The following TMEM233 variants were observed in gnomAD, a reference collection of about 807,000 sequenced individuals.
The protein encoded by TMEM233 is transmembrane protein 233.
Under a neutral mutation model 11.2 loss-of-function variants are expected in TMEM233, and 6 were observed. The observed-to-expected ratio is 0.54, with a 90% CI of 0.29 to 1.06. The LOEUF (loss-of-function observed/expected upper bound fraction) is 1.06. TMEM233 is among the 50% of genes least tolerant of loss of function. The pLI is 0.08. For missense variants in TMEM233, 127 were observed against 144.7 expected, an observed-to-expected ratio of 0.88 and a Z score of 0.63; for synonymous variants, 59 against 55.8, an observed-to-expected ratio of 1.06 and a Z score of -0.26.
intron 1 of TMEM233, among the ~76,000 whole-genome samples, chr12:119,627,884 C>T (rs1277193341): frequency 6.6e-6 from 1 of 152,240 alleles, no homozygotes; most frequent in African/African-American, 2.4e-5. Context: ...GAAGCTACCA[C>T]CCCTTTCCAG....
chr12:119,598,247 A>T (rs970473589), intron 1 of TMEM233, among the ~76,000 whole-genome samples: 1 of 152,174 alleles, frequency 6.6e-6, no homozygotes, highest in African/African-American at 2.4e-5. Flanking sequence ...GGCAAGTTGC[A>T]AGAGTGTTGG....
intron 1 of TMEM233, among the ~76,000 whole-genome samples, chr12:119,610,922 T>G (rs1954385379): frequency 6.6e-6 from 1 of 152,162 alleles, no homozygotes; most frequent in African/African-American, 2.4e-5. Flanking sequence ...ATAAATGAAA[T>G]CATACAATAT....
chr12:119,612,789 G>A (rs1272655291), intron 1 of TMEM233, among the ~76,000 whole-genome samples: 2 of 151,320 alleles, frequency 1.3e-5, no homozygotes, highest in Non-Finnish European at 2.9e-5. Context: ...GCGTGGTGGT[G>A]TGCGCCTGTA....
At chr12:119,626,576 GAA>G (rs1371625469) in intron 1 of TMEM233, among the ~76,000 whole-genome samples, 8 of 144,202 alleles carry the variant, frequency 5.5e-5, no homozygotes, top group Non-Finnish European at 1.1e-4. Context: ...GAAGAGAAGA[GAA>G]GAGAAGAGAA....
In TMEM233 at chr12:119,610,126, A is replaced by C. The variant is rs114828685; in HGVS notation, c.186+16092A>C. Among the ~76,000 whole-genome samples, 683 of 152,384 alleles carry C rather than the reference A, an allele frequency of 4.5e-3. 6 individuals are homozygous for C. Among genetic ancestry groups the C allele is most frequent in the African/African-American group, 0.016 (655 of 41,596 alleles). ...TCAGCATTACCTGGATGTGAGACAT[A>C]GAGTCAAAGGAGATTATTTTGAAAC... On this transcript the variant is annotated intron_variant, in intron 1 of 2. Coordinates refer to ENST00000426426, the MANE Select transcript of TMEM233 (RefSeq NM_001136534.3).
At chr12:119,616,191 T>C (rs1245990410) in intron 1 of TMEM233, among the ~76,000 whole-genome samples, 3 of 152,154 alleles carry the variant, frequency 2.0e-5, no homozygotes, top group Non-Finnish European at 4.4e-5. Context: ...GTTATTCCGT[T>C]TTGCCAACAT....
chr12:119,594,999 C>T lies in TMEM233; in HGVS notation c.186+965C>T, dbSNP rs924487550. ...ATTCCACGCAACGTGCGGCTCCGCCCGCCCTCTGCGCTCAGACCTCCCGAG... is the reference window on the plus strand; with the variant it reads ...ATTCCACGCAACGTGCGGCTCCGCCTGCCCTCTGCGCTCAGACCTCCCGAG... On this transcript the variant is annotated intron_variant, in intron 1 of 2. Transcript: ENST00000426426. The surrounding 1 kb of genome is among the most constrained non-coding windows in gnomAD (Gnocchi z 5.6). Among the ~76,000 whole-genome samples, 17 of 152,326 alleles carry T rather than the reference C, an allele frequency of 1.1e-4. No homozygotes were observed. Among genetic ancestry groups the T allele is most frequent in the African/African-American group, 3.6e-4 (15 of 41,586 alleles).
intron 1 of TMEM233, among the ~76,000 whole-genome samples, chr12:119,608,622 CTT>C (rs1954332889): frequency 6.6e-6 from 1 of 152,178 alleles, no homozygotes; most frequent in African/African-American, 2.4e-5. Context: ...GCAGTTGACT[CTT>C]ATATTTAAAG....
intron 1 of TMEM233, among the ~76,000 whole-genome samples, chr12:119,600,471 T>G (rs1307427661): frequency 1.3e-5 from 2 of 151,474 alleles, no homozygotes; most frequent in Non-Finnish European, 2.9e-5. Flanking sequence ...AAGTTAATGT[T>G]GAGGGAGGCT....
chr12:119,621,112 A>G (rs887650238), intron 1 of TMEM233, among the ~76,000 whole-genome samples: 1 of 149,896 alleles, frequency 6.7e-6, no homozygotes, highest in African/African-American at 2.5e-5. Flanking sequence ...CAGTGGCACA[A>G]TCATAGCTCA....
intron 2 of TMEM233, among the ~76,000 whole-genome samples, chr12:119,635,783 C>T (rs1006089029): frequency 2.6e-5 from 4 of 152,142 alleles, no homozygotes; most frequent in Non-Finnish European, 2.9e-5. Flanking sequence ...TCTATTAATG[C>T]GCTAAAGTGG....
At chr12:119,618,810 G>T (rs1954587834) in intron 1 of TMEM233, among the ~76,000 whole-genome samples, 1 of 152,164 alleles carries the variant, frequency 6.6e-6, no homozygotes, top group Non-Finnish European at 1.5e-5. Context: ...TGTCTCAGAT[G>T]AGAACTTGGA....
At chr12:119,638,272 A>C (rs6490261) in intron 2 of TMEM233, among the ~76,000 whole-genome samples, 116,302 of 151,896 alleles carry the variant, frequency 0.77, 44,703 homozygotes, top group Middle Eastern at 0.85. Flanking sequence ...CCAGCCTGGG[A>C]AACATAGCAA....
chr12:119,643,286 AT>A (rs1233812850), downstream of TMEM233, among the ~76,000 whole-genome samples: 1 of 152,244 alleles, frequency 6.6e-6, no homozygotes, highest in African/African-American at 2.4e-5. Flanking sequence ...AAGTAAAAAA[AT>A]AAAATAAGAA....
At chr12:119,638,900 A>C (rs1955024461) in intron 2 of TMEM233, among the ~76,000 whole-genome samples, 1 of 151,886 alleles carries the variant, frequency 6.6e-6, no homozygotes, top group Non-Finnish European at 1.5e-5. Context: ...AGGTGGAGAC[A>C]TCCTTCTTAC....
At position 119,641,913 on chromosome 12, in the gene TMEM233, CAG is replaced by C. The variant is rs1955088175; in HGVS notation, c.*1211_*1212del. On this transcript the variant is annotated 3_prime_UTR_variant, in exon 3 of 3. Coordinates refer to ENST00000426426, the MANE Select transcript of TMEM233 (RefSeq NM_001136534.3). Reference sequence around the variant, plus strand: ...TTTTTAGCAAAGAAAGAGCAGGCCTCAGAGTCTTCTGTCTAGATAGAATTTAA... The same window carrying C: ...TTTTTAGCAAAGAAAGAGCAGGCCTCAGTCTTCTGTCTAGATAGAATTTAA... 6.6e-6 allele frequency: 1 copy of C among 152,166 alleles called. No homozygotes were observed. The highest frequency in any genetic ancestry group is 1.5e-5 in the Non-Finnish European group (1 of 68,016). The allele number at this position is 152,166 out of a possible 1,614,324, so 9.4% of individuals were successfully genotyped here. A position where few individuals can be genotyped will look rare whatever the true frequency, so the allele number is the denominator to read the frequency against.
At chr12:119,636,686 G>A (rs981932585) in intron 2 of TMEM233, among the ~76,000 whole-genome samples, 1 of 152,138 alleles carries the variant, frequency 6.6e-6, no homozygotes, top group African/African-American at 2.4e-5. Flanking sequence ...TCAGCGGAAC[G>A]TCCTTAGCAG....
chr12:119,650,832 C>A, the TMEM233 span, among the ~76,000 whole-genome samples: 2 of 152,196 alleles, frequency 1.3e-5, no homozygotes, highest in African/African-American at 4.8e-5. Flanking sequence ...TAGTAGCCAT[C>A]GGGTTTTGCC....
At chr12:119,647,129 C>T (rs1250412449), downstream of TMEM233, among the ~76,000 whole-genome samples, 1 of 152,152 alleles carries the variant, frequency 6.6e-6, no homozygotes, top group African/African-American at 2.4e-5. Context: ...CTTCTGGCCT[C>T]AAGCAATCCT....
Sources: gnomAD v4.1 joint callset for allele counts (sites outside exome capture counted in the v4.1 genomes callset) on GRCh38, gnomAD v4.1.1 for gene constraint, Gnocchi (gnomAD v3.1) non-coding constraint, MANE v1.5 for transcripts, NCBI Gene and HGNC (gene_info 2026-07-23, HGNC 2026-07-21) for gene names.